COBL: variants seen among roughly 807,000 people sequenced by gnomAD.
COBL encodes the protein protein cordon-bleu.
A neutral mutation model predicts 98.8 loss-of-function variants in COBL; 51 were observed. The ratio of observed to expected loss-of-function variants is 0.52; its 90% CI spans 0.41 to 0.65. COBL has a LOEUF of 0.65. Among genes scored for constraint, COBL ranks in the 30% least tolerant of loss-of-function variants. The probability of loss-of-function intolerance (pLI) is 0.00; values close to 1 mark genes in which losing one functional copy is unlikely to be tolerated. For missense variants in COBL, 1,617 were observed against 1,617.5 expected, an observed-to-expected ratio of 1.00 and a Z score of 0.01; for synonymous variants, 634 against 651.7, an observed-to-expected ratio of 0.97 and a Z score of 0.41.
At chr7:51,034,745 A>G (rs1202987971) in intron 8 of COBL, 2 of 152,266 alleles carry the variant, frequency 1.3e-5, no homozygotes, top group East Asian at 1.9e-4. Context: ...AGCCTCTGTT[A>G]GCTTAAAGTA....
At chr7:51,027,585 G>C in intron 10 of COBL, 127 bp downstream of exon 10, 1 of 775,912 alleles carries the variant, frequency 1.3e-6, no homozygotes, top group Non-Finnish European at 2.1e-6. Flanking sequence ...AATGAAACCT[G>C]TGTGGTAAGC....
Position 51,046,325 on chromosome 7 carries a change from G to C in COBL, c.1097-2633C>G, listed in dbSNP as rs922821170. On this transcript the variant is annotated intron_variant, in intron 7 of 12. Coordinates refer to ENST00000265136, the MANE Select transcript of COBL (RefSeq NM_015198.5). ...TTGAGGAGGGTGATGGAGGCTGAGT[G>C]GGGAACTTTCCAGAGAAGCTTCCTG... 2.0e-5 allele frequency among the ~76,000 whole-genome samples: 3 copies of C among 152,168 alleles called. No homozygotes were observed. The South Asian group carries it at 6.2e-4, about 32-fold the overall frequency.
At chr7:51,111,046 G>T (rs556423536) in intron 6 of COBL, among the ~76,000 whole-genome samples, 1 of 152,330 alleles carries the variant, frequency 6.6e-6, no homozygotes, top group South Asian at 2.1e-4. Flanking sequence ...CCTCTGGGTA[G>T]ATGCCCAGTA....
intron 3 of COBL, among the ~76,000 whole-genome samples, chr7:51,192,074 A>G (rs1790168611): frequency 6.6e-6 from 1 of 152,214 alleles, no homozygotes; most frequent in Non-Finnish European, 1.5e-5. Flanking sequence ...GACGCAAGGT[A>G]TATACAGAGA....
chr7:51,152,080 C>T (rs1353595144), intron 5 of COBL, among the ~76,000 whole-genome samples: 4 of 152,206 alleles, frequency 2.6e-5, no homozygotes, highest in Admixed American at 1.3e-4. Context: ...CATTCCATAA[C>T]GATGCCTTAA....
chr7:51,166,564 A>G (rs927409237), intron 5 of COBL, among the ~76,000 whole-genome samples: 4 of 152,146 alleles, frequency 2.6e-5, no homozygotes, highest in Non-Finnish European at 4.4e-5. Flanking sequence ...AAACTATTCC[A>G]AAAAACAGGG....
chr7:51,117,707 A>G (rs1204681752), intron 6 of COBL, among the ~76,000 whole-genome samples: 1 of 152,018 alleles, frequency 6.6e-6, no homozygotes, highest in African/African-American at 2.4e-5. Flanking sequence ...GTTTCTATTG[A>G]CTATCTTTTT....
intron 1 of COBL, among the ~76,000 whole-genome samples, chr7:51,271,099 C>T (rs1263747811): frequency 6.6e-6 from 1 of 152,210 alleles, no homozygotes; most frequent in Middle Eastern, 3.2e-3. Flanking sequence ...GGTGTATCTC[C>T]ACGCTGGGGA....
At chr7:51,202,858 T>C (rs766122092) in intron 2 of COBL, among the ~76,000 whole-genome samples, 9 of 151,984 alleles carry the variant, frequency 5.9e-5, no homozygotes, top group Non-Finnish European at 1.2e-4. Context: ...CTGGCCAACA[T>C]AGTAAAACCC....
Position 51,088,295 on chromosome 7 carries a change from T to C in COBL, c.958-2991A>G, listed in dbSNP as rs538083075. On this transcript the variant is annotated intron_variant, in intron 6 of 12. Transcript: ENST00000265136. ...TTCAACACTGAGGATTCTAATTCAATTGTCTATTTTTTTCTTGAGTACTCT... is the reference window on the plus strand; with the variant it reads ...TTCAACACTGAGGATTCTAATTCAACTGTCTATTTTTTTCTTGAGTACTCT... Among the ~76,000 whole-genome samples the C allele has an allele frequency of 2.6e-5, 4 of 152,242 alleles. No homozygotes were observed. In the East Asian group the frequency reaches 7.7e-4, roughly 29 times the overall value.
chr7:51,100,575 G>A (rs557005534), intron 6 of COBL, among the ~76,000 whole-genome samples: 2 of 152,314 alleles, frequency 1.3e-5, no homozygotes, highest in Non-Finnish European at 2.9e-5. Context: ...ACATTAAGCT[G>A]AAGGTAATTA....
At chr7:51,148,570 C>T (rs1785256096) in intron 5 of COBL, among the ~76,000 whole-genome samples, 1 of 152,192 alleles carries the variant, frequency 6.6e-6, no homozygotes, top group Admixed American at 6.5e-5. Context: ...TGCCTAGCTG[C>T]CATAAATGCC....
intron 1 of COBL, among the ~76,000 whole-genome samples, chr7:51,305,128 C>G (rs1563148462): frequency 6.6e-6 from 1 of 152,196 alleles, no homozygotes; most frequent in Non-Finnish European, 1.5e-5. Flanking sequence ...TTATATGTCA[C>G]TTTCACTTGT....
intron 1 of COBL, among the ~76,000 whole-genome samples, chr7:51,244,684 G>A (rs1796128042): frequency 6.6e-6 from 1 of 152,148 alleles, no homozygotes; most frequent in Admixed American, 6.5e-5. Flanking sequence ...AGAGGAAACA[G>A]GCCCTCCCCA....
chr7:51,234,704 A>AG (rs573030680), intron 1 of COBL, among the ~76,000 whole-genome samples: 1 of 22,156 alleles, frequency 4.5e-5, no homozygotes, highest in South Asian at 6.4e-4. Flanking sequence ...CTGTTTCAGA[A>AG]AAAAAAAAAA....
intron 12 of COBL, chr7:51,022,801 A>G (rs901023916): frequency 9.2e-5 from 14 of 152,366 alleles, no homozygotes; most frequent in African/African-American, 2.2e-4. Context: ...GAGTGTGGTC[A>G]TGGCCTTCAC....
At chr7:51,204,513 T>A (rs569508430) in intron 2 of COBL, among the ~76,000 whole-genome samples, 3 of 151,054 alleles carry the variant, frequency 2.0e-5, no homozygotes, top group Middle Eastern at 3.5e-3. Context: ...ATAAACAATT[T>A]AAAGTTGCTT....
chr7:51,092,235 C>T (rs906222868), intron 6 of COBL, among the ~76,000 whole-genome samples: 2 of 152,174 alleles, frequency 1.3e-5, no homozygotes, highest in African/African-American at 2.4e-5. Context: ...CCCACTGGTC[C>T]GTGGAAAAAT....
chr7:51,184,690 C>T (rs1006074601), intron 4 of COBL, among the ~76,000 whole-genome samples: 47 of 152,194 alleles, frequency 3.1e-4, no homozygotes, highest in African/African-American at 1.1e-3. Context: ...TAAGTCTTCA[C>T]AATCCAGCAG....
Sources: allele counts gnomAD v4.1 joint callset (sites outside exome capture counted in the v4.1 genomes callset), GRCh38; gene constraint gnomAD v4.1.1; transcripts MANE v1.5; gene names NCBI Gene and HGNC (gene_info 2026-07-23, HGNC 2026-07-21).